Variants in INTS6 observed in about 807,000 individuals in gnomAD.
INTS6 encodes the protein DEAD box protein.
In INTS6, 16 loss-of-function variants were observed where a neutral mutation model predicts 104.9. The observed-to-expected ratio is 0.15, with a 90% confidence interval of 0.10 to 0.23. INTS6 has a LOEUF of 0.23. Among genes scored for constraint, INTS6 ranks in the 10% least tolerant of loss-of-function variants. The pLI is 1.00. For missense variants in INTS6, 584 were observed against 1,062.8 expected (o/e 0.55, Z 6.26); for synonymous variants, 324 against 358.7 (o/e 0.90, Z 1.09).
chr13:51,357,475 T>A (rs555779702), downstream of INTS6, among the ~76,000 whole-genome samples: 2 of 152,292 alleles, frequency 1.3e-5, no homozygotes, highest in East Asian at 3.9e-4. Context: ...AGTTTTGTAC[T>A]ACTGATGGAA....
At chr13:51,378,077 T>C (rs1229629272) in intron 12 of INTS6, among the ~76,000 whole-genome samples, 162 bp downstream of exon 12, 1 of 152,136 alleles carries the variant, frequency 6.6e-6, no homozygotes, top group Non-Finnish European at 1.5e-5. Flanking sequence ...ATGTACACTG[T>C]TTTAATTCTA....
downstream of INTS6, among the ~76,000 whole-genome samples, chr13:51,353,137 G>A (rs1349823608): frequency 1.3e-5 from 2 of 152,004 alleles, no homozygotes; most frequent in African/African-American, 4.8e-5. Context: ...TGCTGGATCT[G>A]CCTTCATAGC....
downstream of INTS6, chr13:51,361,312 C>G: frequency 6.2e-7 from 1 of 1,610,246 alleles, no homozygotes; most frequent in African/African-American, 1.3e-5. Flanking sequence ...AAGCAATCCA[C>G]AAGGCCAAGA....
chr13:51,411,370 A>G (rs1021218180), intron 4 of INTS6, among the ~76,000 whole-genome samples: 1 of 151,670 alleles, frequency 6.6e-6, no homozygotes, highest in Non-Finnish European at 1.5e-5. Flanking sequence ...CCTGGCCAAC[A>G]TGGTGAAACC....
rs1327471967 is a variant in INTS6, at chr13:51,376,262, AATAAGAT to A, written c.1603-95_1603-89del. 3 of 1,020,898 alleles carry A rather than the reference AATAAGAT, an allele frequency of 2.9e-6. No homozygotes were observed. The African/African-American group carries it at 4.9e-5, about 17-fold the overall frequency. 63.2% of individuals were successfully genotyped at this position (1,020,898 alleles called of 1,614,324 possible). Reference sequence around the variant, plus strand: ...CTCTAGCCTGCAGCATAGGTTTGGAAATAAGATATATAAACTGGTTAGCTTAAAAAAA... The same window carrying A: ...CTCTAGCCTGCAGCATAGGTTTGGAAATATAAACTGGTTAGCTTAAAAAAA... On this transcript the variant is annotated intron_variant, in intron 12 of 17. Transcript: ENST00000311234.
intron 3 of INTS6, chr13:51,449,459 A>G: frequency 1.0e-6 from 1 of 984,826 alleles, no homozygotes. Flanking sequence ...TCTCCATGAC[A>G]AGCAGTTTTT....
chr13:51,449,982 T>C (rs2138177254), intron 3 of INTS6: 5 of 985,356 alleles, frequency 5.1e-6, no homozygotes, highest in Non-Finnish European at 6.0e-6. Flanking sequence ...GCACTGAAGT[T>C]ATCCCTAAGA....
At chr13:51,448,334 T>C (rs1000736692) in intron 3 of INTS6, 2 of 152,232 alleles carry the variant, frequency 1.3e-5, no homozygotes, top group African/African-American at 4.8e-5. Context: ...CTAAAGGCTA[T>C]ACATTGCTCC....
chr13:51,347,352 C>A, the INTS6 span: 2 of 846,770 alleles, frequency 2.4e-6, no homozygotes, highest in South Asian at 3.2e-5. Flanking sequence ...CAGGGTCCAT[C>A]TGCTGGACTG....
chr13:51,408,692 G>C (rs1326693286), intron 4 of INTS6, among the ~76,000 whole-genome samples: 1 of 151,990 alleles, frequency 6.6e-6, no homozygotes, highest in East Asian at 1.9e-4. Flanking sequence ...CAAAGAAGTA[G>C]GAAAAAAACT....
chr13:51,438,815 A>G (rs1952741582), intron 3 of INTS6: 1 of 152,222 alleles, frequency 6.6e-6, no homozygotes, highest in Non-Finnish European at 1.5e-5. Flanking sequence ...AGAGGACACC[A>G]AGACATCATT....
chr13:51,347,182 T>C, the INTS6 span: 1 of 1,614,016 alleles, frequency 6.2e-7, no homozygotes, highest in South Asian at 1.1e-5. Flanking sequence ...CCTGTGCCTA[T>C]GGCCTCGTCC....
chr13:51,361,491 T>A (rs981558958), downstream of INTS6: 7 of 680,020 alleles, frequency 1.0e-5, no homozygotes, highest in Non-Finnish European at 1.5e-5. Context: ...TAGTATTTTT[T>A]AAAAAGGAAC....
chr13:51,362,976 A>G lies in INTS6; in HGVS notation c.*2776T>C, dbSNP rs1223875114. 1 of 152,010 alleles carries G rather than the reference A, an allele frequency of 6.6e-6. No homozygotes were observed. Among genetic ancestry groups the G allele is most frequent in the Non-Finnish European group, 1.5e-5 (1 of 67,886 alleles). 9.4% of individuals were successfully genotyped at this position (152,010 alleles called of 1,614,324 possible). A position where few individuals can be genotyped will look rare whatever the true frequency, so the allele number is the denominator to read the frequency against. On this transcript the variant is annotated 3_prime_UTR_variant, in exon 18 of 18. Transcript: ENST00000311234. ...CACATAACGATTAGATGAAAATATCACTTATCACCCAGAACAGGCGGCAGA... is the reference window on the plus strand; with the variant it reads ...CACATAACGATTAGATGAAAATATCGCTTATCACCCAGAACAGGCGGCAGA...
intron 7 of INTS6, among the ~76,000 whole-genome samples, chr13:51,387,007 TAA>T (rs1162483827): frequency 1.3e-4 from 20 of 152,166 alleles, no homozygotes; most frequent in Admixed American, 6.5e-5. Flanking sequence ...AATTTAAGAC[TAA>T]GTCCTAAAAA....
At chr13:51,387,910 C>A (rs1360851984) in intron 6 of INTS6, among the ~76,000 whole-genome samples, 1 of 152,088 alleles carries the variant, frequency 6.6e-6, no homozygotes, top group Non-Finnish European at 1.5e-5. Flanking sequence ...ATCATCATAT[C>A]CCAAATGTCA....
Position 51,395,487 on chromosome 13 carries a change from A to T in INTS6, c.430-4T>A, listed in dbSNP as rs1483795233. The T allele has an allele frequency of 6.2e-7, 1 of 1,604,546 alleles. No homozygotes were observed. Among genetic ancestry groups the T allele is most frequent in the Non-Finnish European group, 8.5e-7 (1 of 1,176,834 alleles). ...GAGAATTAAGAGGTAAATGAAGCTG[A>T]AAGTAGGGGGGAAAAACAGTAATAA... On this transcript the variant is annotated splice_polypyrimidine_tract_variant and splice_region_variant and intron_variant, in intron 4 of 17. Coordinates refer to ENST00000311234, the MANE Select transcript of INTS6 (RefSeq NM_012141.3).
chr13:51,439,436 T>C (rs2138134194), intron 3 of INTS6: 1 of 152,344 alleles, frequency 6.6e-6, no homozygotes, highest in South Asian at 2.1e-4. Context: ...ACTTTTCATG[T>C]ACAATTCTCT....
chr13:51,423,059 C>T (rs1167790425), intron 4 of INTS6: 4 of 1,282,560 alleles, frequency 3.1e-6, no homozygotes, highest in Middle Eastern at 2.2e-4. Context: ...GTTTTCTAGC[C>T]TTGCTTAATT....
Sources: gnomAD v4.1 joint callset for allele counts (sites outside exome capture counted in the v4.1 genomes callset) on GRCh38, gnomAD v4.1.1 for gene constraint, MANE v1.5 for transcripts, NCBI Gene and HGNC (gene_info 2026-07-23, HGNC 2026-07-21) for gene names.